Variants in POU6F2 observed in about 807,000 individuals in gnomAD.
POU6F2 encodes the protein POU domain, class 6, transcription factor 2.
Under a neutral mutation model 71.3 loss-of-function variants are expected in POU6F2, and 31 were observed. The observed-to-expected ratio is 0.43, with a 90% CI of 0.33 to 0.59. POU6F2 has a LOEUF of 0.59. Among genes scored for constraint, POU6F2 ranks in the 20% least tolerant of loss-of-function variants. The pLI is 0.04. For synonymous variants in POU6F2, 347 were observed against 355.7 expected (o/e 0.98, Z 0.27); for missense variants, 783 against 856.8 (o/e 0.91, Z 1.07).
At chr7:39,451,382 G>T in intron 7 of POU6F2, 151 bp from the exon 8 acceptor site, 11 of 546,164 alleles carry the variant, frequency 2.0e-5, no homozygotes, top group Non-Finnish European at 3.1e-5. Flanking sequence ...AAAAAAAAAT[G>T]ACTGCCTGCT....
intron 1 of POU6F2, chr7:39,034,570 GC>G: frequency 2.9e-6 from 1 of 342,114 alleles, no homozygotes; most frequent in South Asian, 2.1e-5. Context: ...CTTTGATGCT[GC>G]AGAAGGTCAC....
At chr7:39,396,134 TGTAGTAATACA>T (rs1394126172) in intron 5 of POU6F2, among the ~76,000 whole-genome samples, 2 of 152,190 alleles carry the variant, frequency 1.3e-5, no homozygotes, top group African/African-American at 4.8e-5. Context: ...TGTGTAGGCT[TGTAGTAATACA>T]GTATTTGTCT....
chr7:39,039,262 G>C (rs1025975564), intron 1 of POU6F2, among the ~76,000 whole-genome samples: 6 of 151,898 alleles, frequency 4.0e-5, no homozygotes, highest in African/African-American at 7.2e-5. Context: ...TAGAATGCTG[G>C]CTTCACATTT....
chr7:39,225,050 C>A (rs972727205), intron 4 of POU6F2, among the ~76,000 whole-genome samples: 1 of 152,138 alleles, frequency 6.6e-6, no homozygotes, highest in Non-Finnish European at 1.5e-5. Context: ...CATAGAAATA[C>A]CATTTATGAA....
intron 5 of POU6F2, among the ~76,000 whole-genome samples, chr7:39,397,611 GGCTCCCGAGTA>G (rs1196699340): frequency 6.8e-6 from 1 of 148,098 alleles, no homozygotes; most frequent in Non-Finnish European, 1.5e-5. Context: ...TCCTGCCTCA[GGCTCCCGAGTA>G]GCTAGGATTA....
intron 6 of POU6F2, among the ~76,000 whole-genome samples, chr7:39,425,511 A>G (rs1787948778): frequency 6.6e-6 from 1 of 152,158 alleles, no homozygotes; most frequent in Non-Finnish European, 1.5e-5. Context: ...ATTAAGTTTA[A>G]GGTTTCAAAA....
Position 39,464,630 on chromosome 7 carries a change from C to A in POU6F2, c.2107C>A (p.Pro703Thr). The change falls in exon 10 of 10, where the codon CCG becomes ACG. Residue 703 changes from proline to threonine, a missense_variant. By Grantham distance (38) the Pro-to-Thr change is conservative. Transcript: ENST00000518318. This position sits in a 1 kb window ranked among gnomAD's most constrained non-coding sequence, Gnocchi z 4.1. ...AATTAAACGCTTAAAACAGCACGAG[C>A]CGGCCACGGCAGTCCCTTTGGAGCC... ...NTIKRLKQHE[P>T]ATAVPLEPLT... 6.2e-7 allele frequency: 1 copy of A among 1,608,894 alleles called. No individual in the cohort carries two copies. Among genetic ancestry groups the A allele is most frequent in the Non-Finnish European group, 8.5e-7 (1 of 1,177,628 alleles).
intron 2 of POU6F2, among the ~76,000 whole-genome samples, chr7:39,172,902 C>A (rs1359711613): frequency 2.0e-5 from 3 of 151,460 alleles, no homozygotes; most frequent in Non-Finnish European, 4.4e-5. Flanking sequence ...CCATTACAGG[C>A]GTGTGCCATC....
intron 7 of POU6F2, among the ~76,000 whole-genome samples, chr7:39,450,560 C>T (rs915080422): frequency 6.6e-6 from 1 of 152,162 alleles, no homozygotes; most frequent in African/African-American, 2.4e-5. Context: ...TTTCTCTCCT[C>T]AGCTGAGCTC....
chr7:39,416,824 A>G (rs1362562527), intron 6 of POU6F2, among the ~76,000 whole-genome samples: 2 of 152,220 alleles, frequency 1.3e-5, no homozygotes, highest in African/African-American at 2.4e-5. Context: ...TAAAAAAAAA[A>G]AAGAAGTTAT....
At chr7:39,061,478 T>C (rs1354908627) in intron 1 of POU6F2, among the ~76,000 whole-genome samples, 3 of 152,224 alleles carry the variant, frequency 2.0e-5, no homozygotes, top group African/African-American at 7.2e-5. Flanking sequence ...CATTGACCTA[T>C]TTTGCACTTT....
In POU6F2 at chr7:39,420,818, T is replaced by C. The variant is rs150145898; in HGVS notation, c.1114-12259T>C. ...ACATGTTCCTGACAAGGCTGTACTT[T>C]GAAACTAACTTTTGAGATTAAAAAT... On this transcript the variant is annotated intron_variant, in intron 6 of 9. Coordinates refer to ENST00000518318, the MANE Select transcript of POU6F2 (RefSeq NM_001370959.1). Among the ~76,000 whole-genome samples, 929 of 152,284 alleles carry C rather than the reference T, an allele frequency of 6.1e-3. 12 individuals are homozygous for C. The highest frequency in any genetic ancestry group is 0.018 in the African/African-American group (747 of 41,560).
At chr7:39,324,021 T>C (rs1785455317) in intron 4 of POU6F2, among the ~76,000 whole-genome samples, 1 of 151,288 alleles carries the variant, frequency 6.6e-6, no homozygotes, top group South Asian at 2.1e-4. Flanking sequence ...GGCAGGAGAA[T>C]TGCTTAGACC....
chr7:39,340,095 G>A lies in POU6F2; in HGVS notation c.972+80G>A, dbSNP rs1785882616. Reference sequence around the variant, plus strand: ...GGGTGGTGCCATCCCCAAAGGCAGAGGGACCACACAAAACTTAGCATCCAG... The same window carrying A: ...GGGTGGTGCCATCCCCAAAGGCAGAAGGACCACACAAAACTTAGCATCCAG... On this transcript the variant is annotated intron_variant, in intron 5 of 9. Transcript: ENST00000518318. The A allele has an allele frequency of 2.8e-6, 4 of 1,437,494 alleles. No individual in the cohort carries two copies. The Admixed American group carries it at 7.4e-5, about 27-fold the overall frequency. The allele number at this position is 1,437,494 out of a possible 1,614,324, so 89.0% of individuals were successfully genotyped here.
chr7:39,186,927 T>C (rs2128742577), intron 2 of POU6F2, among the ~76,000 whole-genome samples: 1 of 152,296 alleles, frequency 6.6e-6, no homozygotes, highest in East Asian at 1.9e-4. Context: ...GTGACCCGGT[T>C]TCCCAGGCCT....
chr7:39,107,918 A>G (rs1464012036), intron 2 of POU6F2, among the ~76,000 whole-genome samples: 1 of 152,234 alleles, frequency 6.6e-6, no homozygotes, highest in Non-Finnish European at 1.5e-5. Flanking sequence ...TTCCTTTGAC[A>G]AAACCCAAGT....
At chr7:39,155,102 G>A (rs1315830394) in intron 2 of POU6F2, among the ~76,000 whole-genome samples, 1 of 151,988 alleles carries the variant, frequency 6.6e-6, no homozygotes, top group Non-Finnish European at 1.5e-5. Context: ...CCAGTGTGGT[G>A]GAATGAGGGA....
At chr7:39,130,495 C>T (rs1792248458) in intron 2 of POU6F2, among the ~76,000 whole-genome samples, 1 of 152,138 alleles carries the variant, frequency 6.6e-6, no homozygotes, top group Non-Finnish European at 1.5e-5. Context: ...ACCTGCTGAG[C>T]TAAGTGTGCT....
At chr7:39,213,428 A>G (rs1794182255) in intron 4 of POU6F2, among the ~76,000 whole-genome samples, 3 of 152,216 alleles carry the variant, frequency 2.0e-5, no homozygotes, top group Non-Finnish European at 4.4e-5. Context: ...TCCTTTACAT[A>G]CAAGAAAATG....
Sources: allele counts gnomAD v4.1 joint callset (sites outside exome capture counted in the v4.1 genomes callset), GRCh38; gene constraint gnomAD v4.1.1; non-coding constraint Gnocchi (gnomAD v3.1); transcripts MANE v1.5; gene names NCBI Gene and HGNC (gene_info 2026-07-23, HGNC 2026-07-21).